The following SCFD2 variants were observed in gnomAD, a reference collection of about 807,000 sequenced individuals.
The protein encoded by SCFD2 is sec1 family domain-containing protein 2.
In SCFD2, 54 loss-of-function variants were observed where a neutral mutation model predicts 58.9. That is an observed-to-expected ratio of 0.92 (90% CI 0.74 to 1.15). The LOEUF (loss-of-function observed/expected upper bound fraction) is 1.15. Among genes scored for constraint, SCFD2 ranks in the 50% most tolerant of loss-of-function variants. SCFD2 has a pLI of 0.00. For missense variants in SCFD2, 805 were observed against 836.6 expected, an observed-to-expected ratio of 0.96 and a Z score of 0.47; for synonymous variants, 321 against 335.9, an observed-to-expected ratio of 0.96 and a Z score of 0.49.
At position 53,237,463 on chromosome 4, in the gene SCFD2, C is replaced by CG. The variant is rs1162441021; in HGVS notation, c.1311+36362dup. Among the ~76,000 whole-genome samples the CG allele has an allele frequency of 6.7e-4, 83 of 123,818 alleles. 3 individuals are homozygous for CG. The highest frequency in any genetic ancestry group is 2.8e-3 in the African/African-American group (78 of 28,302). The allele number at this position is 123,818 out of a possible 152,430, so 81.2% of individuals were successfully genotyped here. On this transcript the variant is annotated intron_variant, in intron 4 of 8. Transcript: ENST00000401642. Reference sequence around the variant, plus strand: ...TTCCCGGATGGGGGGTCTGGCCGGGCGGGGGGGCTGACCCCCCCACCTCCC... The same window carrying CG: ...TTCCCGGATGGGGGGTCTGGCCGGGCGGGGGGGGCTGACCCCCCCACCTCCC...
intron 4 of SCFD2, among the ~76,000 whole-genome samples, chr4:53,237,616 C>T (rs867326998): frequency 2.4e-3 from 217 of 89,172 alleles, no homozygotes; most frequent in Middle Eastern, 6.8e-3. Flanking sequence ...CCTCACCTCC[C>T]GGACGGGGCG....
At chr4:52,938,053 A>T (rs1720188679) in intron 5 of SCFD2, among the ~76,000 whole-genome samples, 1 of 152,192 alleles carries the variant, frequency 6.6e-6, no homozygotes, top group Non-Finnish European at 1.5e-5. Flanking sequence ...TTAGAACAGC[A>T]AACAAAACAT....
At chr4:53,304,714 C>T (rs1232597425) in intron 3 of SCFD2, among the ~76,000 whole-genome samples, 1 of 151,864 alleles carries the variant, frequency 6.6e-6, no homozygotes, top group Non-Finnish European at 1.5e-5. Flanking sequence ...TATTCTAGTT[C>T]GCTATTCGTC....
At chr4:52,941,849 G>A (rs1175307796) in intron 5 of SCFD2, among the ~76,000 whole-genome samples, 1 of 152,200 alleles carries the variant, frequency 6.6e-6, no homozygotes, top group African/African-American at 2.4e-5. Context: ...TCAGATTTAA[G>A]ATGTTTTGAT....
chr4:52,959,314 G>C (rs1488612026), intron 5 of SCFD2, among the ~76,000 whole-genome samples: 2 of 152,066 alleles, frequency 1.3e-5, no homozygotes, highest in Non-Finnish European at 2.9e-5. Context: ...TCCTCAAAGA[G>C]GGATGTATGG....
At chr4:52,879,338 A>G (rs1193363029) in intron 8 of SCFD2, among the ~76,000 whole-genome samples, 1 of 152,196 alleles carries the variant, frequency 6.6e-6, no homozygotes, top group African/African-American at 2.4e-5. Context: ...AAATATGAGA[A>G]ATGGGGTTTT....
intron 7 of SCFD2, among the ~76,000 whole-genome samples, chr4:52,898,558 G>A (rs1017929207): frequency 6.6e-6 from 1 of 152,204 alleles, no homozygotes; most frequent in African/African-American, 2.4e-5. Context: ...TTGCTGAGGA[G>A]TGTTCTACTT....
intron 5 of SCFD2, among the ~76,000 whole-genome samples, chr4:53,103,897 T>TAAAAAA (rs34101811): frequency 1.7e-4 from 13 of 74,300 alleles, no homozygotes; most frequent in African/African-American, 2.5e-4. Context: ...CAATATGAGC[T>TAAAAAA]AAAAAAAAAA....
intron 2 of SCFD2, among the ~76,000 whole-genome samples, chr4:53,349,702 T>C (rs1360948348): frequency 2.0e-5 from 3 of 152,214 alleles, no homozygotes; most frequent in African/African-American, 7.2e-5. Context: ...AAAGTGACTA[T>C]AATCAAAACA....
At chr4:52,988,655 C>G (rs1721552154) in intron 5 of SCFD2, among the ~76,000 whole-genome samples, 1 of 152,154 alleles carries the variant, frequency 6.6e-6, no homozygotes, top group Admixed American at 6.5e-5. Flanking sequence ...CTGAGGGACG[C>G]CAAACCTCCA....
chr4:52,992,560 G>A (rs547069423), intron 5 of SCFD2, among the ~76,000 whole-genome samples: 3 of 151,508 alleles, frequency 2.0e-5, no homozygotes, highest in African/African-American at 7.3e-5. Context: ...CTTCCCGGCC[G>A]CCATCCCCTC....
At chr4:53,223,545 A>G in intron 4 of SCFD2, among the ~76,000 whole-genome samples, 1 of 152,220 alleles carries the variant, frequency 6.6e-6, no homozygotes, top group East Asian at 1.9e-4. Flanking sequence ...CTTTGCATAT[A>G]CAGTTCCCAT....
chr4:53,121,468 A>T (rs2148892259), intron 5 of SCFD2, among the ~76,000 whole-genome samples: 1 of 152,320 alleles, frequency 6.6e-6, no homozygotes, highest in East Asian at 1.9e-4. Flanking sequence ...AGTAGGCCAA[A>T]CAAAACAGGG....
chr4:52,900,796 G>A lies in SCFD2; in HGVS notation c.1842+6661C>T, dbSNP rs1018760768. On this transcript the variant is annotated intron_variant, in intron 7 of 8. Transcript: ENST00000401642. ...AGCTGTGGTGGGCTCCTCCCAGTTC[G>A]AGCTTCCCTGTCGCTTTGTTTACCT... is the stretch of plus-strand genomic sequence containing the variant. 2.6e-5 allele frequency among the ~76,000 whole-genome samples: 4 copies of A among 152,332 alleles called. No individual in the cohort carries two copies. The East Asian group carries it at 5.8e-4, about 22-fold the overall frequency.
At chr4:52,920,686 C>A (rs1479890236) in intron 6 of SCFD2, 39 bp downstream of exon 6, 1 of 1,455,658 alleles carries the variant, frequency 6.9e-7, no homozygotes, top group Admixed American at 2.2e-5. Flanking sequence ...CCTAGAAGTA[C>A]AACAGATTAG....
At chr4:53,259,194 A>C (rs564236793) in intron 4 of SCFD2, among the ~76,000 whole-genome samples, 1 of 152,012 alleles carries the variant, frequency 6.6e-6, no homozygotes, top group Non-Finnish European at 1.5e-5. Flanking sequence ...CTGATTATTT[A>C]TTTTGCTGTG....
chr4:53,329,430 C>T (rs1253791839), intron 2 of SCFD2, among the ~76,000 whole-genome samples: 1 of 151,806 alleles, frequency 6.6e-6, no homozygotes, highest in Non-Finnish European at 1.5e-5. Context: ...CAAGTGGGTC[C>T]CTGACCCCTG....
At chr4:53,263,632 C>T (rs1560419166) in intron 4 of SCFD2, among the ~76,000 whole-genome samples, 1 of 152,344 alleles carries the variant, frequency 6.6e-6, no homozygotes, top group East Asian at 1.9e-4. Flanking sequence ...TGGATACCAG[C>T]ACCTGCTCCA....
chr4:52,910,363 T>A (rs536776495), intron 6 of SCFD2, among the ~76,000 whole-genome samples: 1 of 152,312 alleles, frequency 6.6e-6, no homozygotes, highest in East Asian at 1.9e-4. Context: ...TGGAGAAACC[T>A]TGGTAAGTGA....
Sources: gnomAD v4.1 joint callset for allele counts (sites outside exome capture counted in the v4.1 genomes callset) on GRCh38, gnomAD v4.1.1 for gene constraint, MANE v1.5 for transcripts, NCBI Gene and HGNC (gene_info 2026-07-23, HGNC 2026-07-21) for gene names.